Variants in PRORP observed in about 807,000 individuals in gnomAD.
PRORP encodes mitochondrial ribonuclease P catalytic subunit.
In PRORP, 51 loss-of-function variants were observed where a neutral mutation model predicts 59.4. That is an observed-to-expected ratio of 0.86 (90% CI 0.69 to 1.08). PRORP has a LOEUF of 1.08. PRORP is among the 50% of genes least tolerant of loss of function. The pLI is 0.00. For synonymous variants in PRORP, 231 were observed against 245.6 expected (o/e 0.94, Z 0.55); for missense variants, 646 against 690.3 (o/e 0.94, Z 0.72).
intron 4 of PRORP, among the ~76,000 whole-genome samples, chr14:35,133,141 C>T (rs150723212): frequency 0.02 from 3,056 of 152,082 alleles, 105 homozygotes; most frequent in African/African-American, 0.071. Flanking sequence ...AGGCTGGTCT[C>T]GAACTCCTGA....
rs1215353374 is a variant in PRORP at position 35,270,605 on chromosome 14, AC to A, written c.1620+11del. ...CAAAACTAACCTTTCAGGTAATGGT[AC>A]CTGTTCTTTATGTAATATTAACAGA... On this transcript the variant is annotated intron_variant, in intron 7 of 7. Transcript: ENST00000534898. 3 of 1,610,678 alleles carry A rather than the reference AC, an allele frequency of 1.9e-6. No individual in the cohort carries two copies. Among genetic ancestry groups the A allele is most frequent in the Non-Finnish European group, 8.5e-7 (1 of 1,177,066 alleles).
chr14:35,212,510 A>G (rs1256760435), intron 5 of PRORP, among the ~76,000 whole-genome samples: 1 of 152,208 alleles, frequency 6.6e-6, no homozygotes, highest in East Asian at 1.9e-4. Context: ...TGAAAACAGC[A>G]TTCATCTCCT....
intron 5 of PRORP, among the ~76,000 whole-genome samples, chr14:35,184,767 A>T (rs1389089078): frequency 6.6e-6 from 1 of 152,172 alleles, no homozygotes; most frequent in Non-Finnish European, 1.5e-5. Flanking sequence ...AAGTGAGAAC[A>T]TGTAGTATTT....
intron 5 of PRORP, among the ~76,000 whole-genome samples, chr14:35,233,676 T>C (rs1277070134): frequency 6.6e-6 from 1 of 152,216 alleles, no homozygotes; most frequent in African/African-American, 2.4e-5. Flanking sequence ...TTTTTTCCTT[T>C]GTCTTTGAGT....
intron 4 of PRORP, among the ~76,000 whole-genome samples, chr14:35,133,982 C>T (rs1231808778): frequency 6.6e-6 from 1 of 152,208 alleles, no homozygotes; most frequent in Non-Finnish European, 1.5e-5. Flanking sequence ...TACTCCCTGG[C>T]TACTGTCTGT....
chr14:35,266,818 G>T lies in PRORP; in HGVS notation c.1367G>T (p.Ser456Ile), dbSNP rs747964091. ...KHMLRRSSQW[S>I]RDEMEEVQKQ... Reference sequence around the variant, plus strand: ...ATGCTAAGACGGAGTTCCCAGTGGAGTCGGGATGAGATGGAAGAGGTGCAA... The same window carrying T: ...ATGCTAAGACGGAGTTCCCAGTGGATTCGGGATGAGATGGAAGAGGTGCAA... Residue 456 changes from serine (S) to isoleucine (I), a missense_variant, in exon 6 of 8, where the codon AGT becomes ATT. Ser to Ile is a moderately radical substitution (Grantham distance 142). Coordinates refer to ENST00000534898, the MANE Select transcript of PRORP (RefSeq NM_014672.4). 1 of 1,614,202 alleles carries T rather than the reference G, an allele frequency of 6.2e-7. No individual in the cohort carries two copies. The highest frequency in any genetic ancestry group is 8.5e-7 in the Non-Finnish European group (1 of 1,180,036).
intron 5 of PRORP, among the ~76,000 whole-genome samples, chr14:35,209,170 C>T (rs983812846): frequency 3.9e-5 from 4 of 101,936 alleles, no homozygotes; most frequent in Non-Finnish European, 9.5e-5. Flanking sequence ...TGAGACTCTG[C>T]CTCAAAAAAA....
chr14:35,182,134 C>T (rs574572306), intron 5 of PRORP, among the ~76,000 whole-genome samples: 107 of 151,152 alleles, frequency 7.1e-4, no homozygotes, highest in Admixed American at 3.6e-3. Flanking sequence ...GGCATGATGG[C>T]GCACACCTGT....
intron 4 of PRORP, among the ~76,000 whole-genome samples, chr14:35,135,417 G>C (rs916915255): frequency 1.3e-5 from 2 of 152,150 alleles, no homozygotes; most frequent in Non-Finnish European, 2.9e-5. Context: ...GCAGAGTTGA[G>C]TAGATATAAA....
chr14:35,180,839 G>A (rs2048587577), intron 5 of PRORP, 62 bp downstream of exon 5: 1 of 1,103,472 alleles, frequency 9.1e-7, no homozygotes, highest in Non-Finnish European at 1.4e-6. Flanking sequence ...ACCCATTTAT[G>A]ACCTTCTTGG....
At chr14:35,232,450 A>G (rs927869913) in intron 5 of PRORP, among the ~76,000 whole-genome samples, 14 of 152,160 alleles carry the variant, frequency 9.2e-5, no homozygotes, top group Non-Finnish European at 1.6e-4. Context: ...GGCCTCAAGC[A>G]GTTCTCCTGC....
chr14:35,154,414 C>T (rs565557233), intron 4 of PRORP, among the ~76,000 whole-genome samples: 2 of 152,272 alleles, frequency 1.3e-5, no homozygotes, highest in South Asian at 2.1e-4. Context: ...GCACATGACA[C>T]CTCCTTATTA....
intron 4 of PRORP, chr14:35,158,872 A>G (rs1220771694): frequency 6.6e-6 from 2 of 303,834 alleles, no homozygotes; most frequent in South Asian, 6.7e-5. Flanking sequence ...ATGCAAATCT[A>G]TGAGGAATCA....
At chr14:35,212,418 G>A (rs1219771263) in intron 5 of PRORP, among the ~76,000 whole-genome samples, 1 of 152,190 alleles carries the variant, frequency 6.6e-6, no homozygotes. Context: ...CTTATGAAAT[G>A]TATTTCTGAA....
intron 5 of PRORP, among the ~76,000 whole-genome samples, chr14:35,220,816 G>A (rs1461644460): frequency 1.3e-5 from 2 of 152,138 alleles, no homozygotes; most frequent in African/African-American, 4.8e-5. Context: ...GTAGGTATTA[G>A]AATGATGCAG....
At chr14:35,248,011 G>C (rs528137546) in intron 5 of PRORP, among the ~76,000 whole-genome samples, 65 of 152,216 alleles carry the variant, frequency 4.3e-4, no homozygotes, top group Non-Finnish European at 7.6e-4. Context: ...AGAAGATAGT[G>C]GTGAGCAGGA....
chr14:35,195,466 A>G (rs1257661609), intron 5 of PRORP, among the ~76,000 whole-genome samples: 2 of 152,108 alleles, frequency 1.3e-5, no homozygotes, highest in African/African-American at 2.4e-5. Flanking sequence ...GTGTGTTTTT[A>G]TGTATATTCA....
chr14:35,136,343 T>A (rs2047371838), intron 4 of PRORP, among the ~76,000 whole-genome samples: 1 of 151,228 alleles, frequency 6.6e-6, no homozygotes, highest in Non-Finnish European at 1.5e-5. Context: ...GAGGAGAAGA[T>A]AATTGAATAT....
chr14:35,158,614 G>T, intron 4 of PRORP: 1 of 346,498 alleles, frequency 2.9e-6, no homozygotes, highest in Non-Finnish European at 5.8e-6. Flanking sequence ...CCGGCACCCT[G>T]TTATCAGGCA....
Sources: gnomAD v4.1 joint callset for allele counts (sites outside exome capture counted in the v4.1 genomes callset) on GRCh38, gnomAD v4.1.1 for gene constraint, MANE v1.5 for transcripts, NCBI Gene and HGNC (gene_info 2026-07-23, HGNC 2026-07-21) for gene names.